Variants in ECE1 observed in about 807,000 individuals in gnomAD.
ECE1 encodes the protein endothelin converting enzyme 1, also known as endothelin-converting enzyme 1.
ECE1 carries 35 observed loss-of-function variants against 98.6 expected under a neutral mutation model. The ratio of observed to expected loss-of-function variants is 0.35; its 90% CI spans 0.27 to 0.47. The LOEUF is 0.47. Ranked by LOEUF, ECE1 falls within the 20% of genes least tolerant of loss-of-function variation. The probability of loss-of-function intolerance (pLI) is 1.00; values close to 1 mark genes in which losing one functional copy is unlikely to be tolerated. For synonymous variants in ECE1, 394 were observed against 407.1 expected, an observed-to-expected ratio of 0.97 and a Z score of 0.39; for missense variants, 814 against 1,025.3, an observed-to-expected ratio of 0.79 and a Z score of 2.81.
chr1:21,261,491 T>TGGG (rs1418030658), intron 4 of ECE1, among the ~76,000 whole-genome samples: 4 of 152,146 alleles, frequency 2.6e-5, no homozygotes, highest in Non-Finnish European at 5.9e-5. Context: ...GTTAAAATCC[T>TGGG]ACTCAACCTC....
Position 21,220,877 on chromosome 1 carries a change from TC to T in ECE1, c.2137-747del, listed in dbSNP as rs1256406773. On this transcript the variant is annotated intron_variant, in intron 18 of 18. Coordinates refer to ENST00000374893, the MANE Select transcript of ECE1 (RefSeq NM_001397.3). This position sits in a 1 kb window ranked among gnomAD's most constrained non-coding sequence, Gnocchi z 5.0. ...CTGAGATCCCGGGGAGTCAGGAGGG[TC>T]CCCTGAGCGGGTCAGGAAGAGACAG... Among the ~76,000 whole-genome samples the T allele has an allele frequency of 6.6e-6, 1 of 151,756 alleles. No individual in the cohort carries two copies. Among genetic ancestry groups the T allele is most frequent in the Admixed American group, 6.6e-5 (1 of 15,210 alleles).
intron 1 of ECE1, among the ~76,000 whole-genome samples, chr1:21,318,355 T>C (rs1225027237): frequency 2.6e-5 from 4 of 152,070 alleles, no homozygotes; most frequent in East Asian, 1.9e-4. Context: ...AGCTGTGAAA[T>C]TGGGTTTCAG....
At chr1:21,305,635 G>A (rs1466042301) in intron 1 of ECE1, among the ~76,000 whole-genome samples, 1 of 152,182 alleles carries the variant, frequency 6.6e-6, no homozygotes, top group Non-Finnish European at 1.5e-5. Context: ...GGAGGCAAGG[G>A]AGCTGTGTAA....
At chr1:21,321,740 G>A (rs1569754838) in intron 1 of ECE1, among the ~76,000 whole-genome samples, 1 of 152,046 alleles carries the variant, frequency 6.6e-6, no homozygotes, top group Non-Finnish European at 1.5e-5. Flanking sequence ...CTCAGTCTCC[G>A]AAGTAGCTGG....
rs374013616 is a variant in ECE1, at chr1:21,279,346, G to A, written c.139-14C>T. On this transcript the variant is annotated splice_polypyrimidine_tract_variant and intron_variant, in intron 2 of 18. Coordinates refer to ENST00000374893, the MANE Select transcript of ECE1 (RefSeq NM_001397.3). ...GTGGAAGTTCACCTGCAGGGAAGGAGGCAGGAGGGGCGGGGAAGACGTGAG... is the reference window on the plus strand; with the variant it reads ...GTGGAAGTTCACCTGCAGGGAAGGAAGCAGGAGGGGCGGGGAAGACGTGAG... 6.2e-7 allele frequency: 1 copy of A among 1,614,114 alleles called. No individual in the cohort carries two copies. Among genetic ancestry groups the A allele is most frequent in the Admixed American group, 1.7e-5 (1 of 60,026 alleles).
chr1:21,289,437 C>T (rs2098264037), intron 2 of ECE1, among the ~76,000 whole-genome samples: 1 of 152,140 alleles, frequency 6.6e-6, no homozygotes, highest in African/African-American at 2.4e-5. Flanking sequence ...GGGCCCTCCC[C>T]AGGAGTGGGC....
intron 8 of ECE1, among the ~76,000 whole-genome samples, chr1:21,253,080 G>A (rs965877631): frequency 7.3e-5 from 11 of 151,000 alleles, no homozygotes; most frequent in Non-Finnish European, 1.0e-4. Flanking sequence ...TTTTTGAGAC[G>A]GAGTCTCGCT....
chr1:21,235,012 T>G lies in ECE1; in HGVS notation c.1566+838A>C, dbSNP rs1311541185. Among the ~76,000 whole-genome samples, 1 of 152,144 alleles carries G rather than the reference T, an allele frequency of 6.6e-6. No homozygotes were observed. The highest frequency in any genetic ancestry group is 1.5e-5 in the Non-Finnish European group (1 of 68,022). On this transcript the variant is annotated intron_variant, in intron 13 of 18. Coordinates refer to ENST00000374893, the MANE Select transcript of ECE1 (RefSeq NM_001397.3). This position sits in a 1 kb window ranked among gnomAD's most constrained non-coding sequence, Gnocchi z 4.2. ...TCTAAATATAACCATGACGAGAGGT[T>G]ATTAGATTTTTAAATGCCTGAATTC...
chr1:21,233,254 G>T lies in ECE1; in HGVS notation c.1670+304C>A. 1 of 318,874 alleles carries T rather than the reference G, an allele frequency of 3.1e-6. No homozygotes were observed. The highest frequency in any genetic ancestry group is 3.7e-5 in the South Asian group (1 of 26,796). 19.8% of individuals were successfully genotyped at this position (318,874 alleles called of 1,614,324 possible). On this transcript the variant is annotated intron_variant, in intron 14 of 18. Transcript: ENST00000374893. This position sits in a 1 kb window ranked among gnomAD's most constrained non-coding sequence, Gnocchi z 4.0. ...CTATTCTGCGGAAAATGAAATGAAGGCTCCAAATCCCAAAGCAGTGGAGCG... is the reference window on the plus strand; with the variant it reads ...CTATTCTGCGGAAAATGAAATGAAGTCTCCAAATCCCAAAGCAGTGGAGCG...
At chr1:21,276,004 A>C (rs1396074913) in intron 3 of ECE1, among the ~76,000 whole-genome samples, 1 of 149,506 alleles carries the variant, frequency 6.7e-6, no homozygotes, top group Non-Finnish European at 1.5e-5. Context: ...GTGTTTGGCA[A>C]CTAGCAGCTG....
At chr1:21,336,805 T>G (rs1028869470) in intron 1 of ECE1, among the ~76,000 whole-genome samples, 2 of 152,146 alleles carry the variant, frequency 1.3e-5, no homozygotes, top group Admixed American at 6.5e-5. Flanking sequence ...ATCGCGCCAC[T>G]GCACTCCAGC....
chr1:21,272,976 A>AGGGGGCTT (rs2098242098), intron 3 of ECE1, 65 bp from the exon 4 acceptor site: 1 of 1,589,122 alleles, frequency 6.3e-7, no homozygotes, highest in Non-Finnish European at 8.6e-7. Flanking sequence ...AGGGCAGAGA[A>AGGGGGCTT]GGGGGCTTGG....
At chr1:21,297,222 C>T (rs574213711) in intron 1 of ECE1, among the ~76,000 whole-genome samples, 47 of 152,330 alleles carry the variant, frequency 3.1e-4, no homozygotes, top group Admixed American at 1.6e-3. Flanking sequence ...TGGGGGGCAC[C>T]GGGAATCTTA....
intron 4 of ECE1, among the ~76,000 whole-genome samples, chr1:21,262,871 A>G (rs1340265600): frequency 6.6e-6 from 1 of 152,162 alleles, no homozygotes; most frequent in African/African-American, 2.4e-5. Flanking sequence ...ATTGTTTACA[A>G]AGTTCCTTTT....
chr1:21,332,034 C>T (rs1267431645), intron 1 of ECE1, among the ~76,000 whole-genome samples: 1 of 152,148 alleles, frequency 6.6e-6, no homozygotes, highest in Non-Finnish European at 1.5e-5. Context: ...GCCGTTTTGT[C>T]CCACTTTCCT....
chr1:21,298,972 A>ATGCTCCTG (rs1469966339), intron 1 of ECE1: 2 of 443,850 alleles, frequency 4.5e-6, no homozygotes, highest in East Asian at 7.0e-5. Flanking sequence ...GCACCTCCTC[A>ATGCTCCTG]TGCTCCTGTG....
chr1:21,246,173 AT>A (rs2098203230), intron 9 of ECE1, among the ~76,000 whole-genome samples: 3 of 152,082 alleles, frequency 2.0e-5, no homozygotes, highest in African/African-American at 7.2e-5. Context: ...TTTTTTCCCT[AT>A]TTTTTTGGTA....
chr1:21,225,270 C>G lies in ECE1; in HGVS notation c.2020G>C (p.Gly674Arg). Reference sequence around the variant, plus strand: ...CTCACCCGATAGGCCGCCTTGAGACCCCCGTTGTCGGCGATGTTCTCCCCC... The same window carrying G: ...CTCACCCGATAGGCCGCCTTGAGACGCCCGTTGTCGGCGATGTTCTCCCCC... ...TLGENIADNG[G>R]LKAAYRAYQN... Residue 674 changes from glycine to arginine, a missense_variant, in exon 17 of 19, where the codon GGT becomes CGT. Gly to Arg is a moderately radical substitution (Grantham distance 125). Coordinates refer to ENST00000374893, the MANE Select transcript of ECE1 (RefSeq NM_001397.3). This position sits in a 1 kb window ranked among gnomAD's most constrained non-coding sequence, Gnocchi z 5.3. 3.1e-6 allele frequency: 5 copies of G among 1,614,166 alleles called. No homozygotes were observed. Among genetic ancestry groups the G allele is most frequent in the Non-Finnish European group, 3.4e-6 (4 of 1,180,024 alleles).
At chr1:21,320,579 TG>T (rs1203042707) in intron 1 of ECE1, among the ~76,000 whole-genome samples, 1 of 152,168 alleles carries the variant, frequency 6.6e-6, no homozygotes, top group African/African-American at 2.4e-5. Flanking sequence ...CCAGGAGATA[TG>T]GTATGCCATC....
Sources: gnomAD v4.1 joint callset for allele counts (sites outside exome capture counted in the v4.1 genomes callset) on GRCh38, gnomAD v4.1.1 for gene constraint, Gnocchi (gnomAD v3.1) non-coding constraint, MANE v1.5 for transcripts, NCBI Gene and HGNC (gene_info 2026-07-23, HGNC 2026-07-21) for gene names.